Variants in UNC13B observed in about 807,000 individuals in gnomAD.
UNC13B encodes the protein protein unc-13 homolog B.
In UNC13B, 144 loss-of-function variants were observed where a neutral mutation model predicts 211.0. The ratio of observed to expected loss-of-function variants is 0.68; its 90% CI spans 0.60 to 0.78. UNC13B has a LOEUF of 0.78. Ranked by LOEUF, UNC13B falls within the 30% of genes least tolerant of loss-of-function variation. The probability of loss-of-function intolerance (pLI) is 0.00; values close to 1 mark genes in which losing one functional copy is unlikely to be tolerated. For missense variants in UNC13B, 1,777 were observed against 2,002.0 expected (o/e 0.89, Z 2.14); for synonymous variants, 709 against 725.8 (o/e 0.98, Z 0.37).
At chr9:35,270,359 G>A (rs376585684) in intron 7 of UNC13B, among the ~76,000 whole-genome samples, 7 of 124,982 alleles carry the variant, frequency 5.6e-5, no homozygotes, top group African/African-American at 2.0e-4. Context: ...GTGTGTGTGT[G>A]TGTATGTATG....
In UNC13B at chr9:35,307,214, C is replaced by T; in HGVS notation, c.7810C>T (p.Gln2604Ter). Residue 2604 changes from glutamine to a stop codon, truncating the protein, a stop_gained, in exon 9 of 40, where the codon CAA becomes TAA. Coordinates refer to ENST00000635942, the MANE Select transcript of UNC13B (RefSeq NM_001371189.2). LOFTEE classifies it high-confidence loss of function. ...NNTPENILEP[Q>*]RSETINTSSF... ...TACTCCTGAAAATATTCTGGAACCTCAACGTTCTGAAACAATTAATACATC... is the reference window on the plus strand; with the variant it reads ...TACTCCTGAAAATATTCTGGAACCTTAACGTTCTGAAACAATTAATACATC... The T allele has an allele frequency of 2.5e-6, 1 of 398,900 alleles. No individual in the cohort carries two copies. The highest frequency in any genetic ancestry group is 4.4e-6 in the Non-Finnish European group (1 of 226,052). The allele number at this position is 398,900 out of a possible 1,614,324, so 24.7% of individuals were successfully genotyped here.
chr9:35,258,957 G>C, intron 6 of UNC13B, 36 bp from the exon 7 acceptor site: 1 of 1,597,014 alleles, frequency 6.3e-7, no homozygotes, highest in South Asian at 1.1e-5. Context: ...GCTTCTGATT[G>C]TATTTATTTA....
At chr9:35,297,219 G>A (rs1829409728) in intron 8 of UNC13B, among the ~76,000 whole-genome samples, 1 of 151,502 alleles carries the variant, frequency 6.6e-6, no homozygotes, top group Admixed American at 6.6e-5. Context: ...CTCCGGAGTA[G>A]CTGAGACTAC....
intron 6 of UNC13B, among the ~76,000 whole-genome samples, chr9:35,252,659 TA>T (rs548641430): frequency 4.7e-5 from 7 of 150,080 alleles, no homozygotes; most frequent in South Asian, 4.4e-4. Context: ...GATTTGTCTA[TA>T]AAAAAAATTT....
At chr9:35,220,294 T>G (rs1170676273) in intron 1 of UNC13B, among the ~76,000 whole-genome samples, 2 of 151,792 alleles carry the variant, frequency 1.3e-5, no homozygotes, top group African/African-American at 4.8e-5. Flanking sequence ...TTTAACAATC[T>G]AATTATATAC....
intron 11 of UNC13B, among the ~76,000 whole-genome samples, chr9:35,354,706 A>G (rs1587684846): frequency 1.3e-5 from 2 of 152,214 alleles, no homozygotes; most frequent in African/African-American, 4.8e-5. Context: ...ATATAACCTG[A>G]TTAATCTTCC....
chr9:35,279,516 G>A (rs887040186), intron 7 of UNC13B, among the ~76,000 whole-genome samples: 5 of 152,122 alleles, frequency 3.3e-5, no homozygotes, highest in African/African-American at 7.2e-5. Context: ...CAGTGTACAA[G>A]TATTTGAATA....
chr9:35,268,060 A>T (rs1187461964), intron 7 of UNC13B, among the ~76,000 whole-genome samples: 2 of 152,250 alleles, frequency 1.3e-5, no homozygotes, highest in African/African-American at 2.4e-5. Flanking sequence ...CACAGTTCAC[A>T]TCAGCAAGTC....
intron 12 of UNC13B, 63 bp downstream of exon 12, chr9:35,367,056 TTCCCCTGGG>T: frequency 6.6e-7 from 1 of 1,515,188 alleles, no homozygotes; most frequent in Non-Finnish European, 9.2e-7. Context: ...CTTTTAGCTT[TTCCCCTGGG>T]AAGCAGGGGA....
intron 11 of UNC13B, among the ~76,000 whole-genome samples, chr9:35,344,053 G>T (rs552154888): frequency 6.6e-6 from 1 of 152,144 alleles, no homozygotes. Flanking sequence ...CTGTTAGTCA[G>T]TGCTGCTCTA....
At chr9:35,292,917 T>G (rs928349263) in intron 7 of UNC13B, among the ~76,000 whole-genome samples, 2 of 152,228 alleles carry the variant, frequency 1.3e-5, no homozygotes, top group African/African-American at 4.8e-5. Flanking sequence ...TGGGATAGAT[T>G]ATGGAGGCAG....
chr9:35,360,200 C>T (rs568403457), intron 11 of UNC13B, among the ~76,000 whole-genome samples: 3 of 152,240 alleles, frequency 2.0e-5, no homozygotes, highest in Non-Finnish European at 4.4e-5. Flanking sequence ...AACTCTACCT[C>T]CATCATCAGG....
intron 7 of UNC13B, among the ~76,000 whole-genome samples, chr9:35,260,634 T>G (rs1379417090): frequency 6.6e-6 from 1 of 152,196 alleles, no homozygotes; most frequent in Non-Finnish European, 1.5e-5. Context: ...GGTGAACTTT[T>G]TTTTCTTTAT....
chr9:35,197,238 C>T (rs1047409102), intron 1 of UNC13B, among the ~76,000 whole-genome samples: 4 of 151,784 alleles, frequency 2.6e-5, no homozygotes, highest in Non-Finnish European at 4.4e-5. Context: ...GACAGAGTCT[C>T]GCTCTCTCAC....
chr9:35,342,390 CA>C, intron 11 of UNC13B: 18 of 982,432 alleles, frequency 1.8e-5, no homozygotes, highest in Non-Finnish European at 2.2e-5. Flanking sequence ...ACAAGCAGGG[CA>C]AAAGGAAAGC....
At chr9:35,376,553 C>T (rs1284812860) in intron 15 of UNC13B, among the ~76,000 whole-genome samples, 4 of 152,292 alleles carry the variant, frequency 2.6e-5, no homozygotes, top group Non-Finnish European at 4.4e-5. Context: ...TACAGCACAG[C>T]GGCCTTATTG....
chr9:35,375,627 C>T (rs1010054397), intron 14 of UNC13B, among the ~76,000 whole-genome samples: 4 of 152,166 alleles, frequency 2.6e-5, no homozygotes, highest in African/African-American at 9.7e-5. Context: ...AGAGGAGACA[C>T]GAAATCAAGG....
intron 1 of UNC13B, among the ~76,000 whole-genome samples, chr9:35,182,500 T>C (rs905457357): frequency 3.2e-4 from 48 of 152,058 alleles, no homozygotes; most frequent in Non-Finnish European, 5.4e-4. Context: ...TTATTGATCA[T>C]TCTTGGGTGT....
chr9:35,231,084 C>G (rs1825174387), intron 2 of UNC13B, 36 bp from the exon 3 acceptor site: 1 of 1,381,310 alleles, frequency 7.2e-7, no homozygotes, highest in African/African-American at 1.4e-5. Context: ...AATCTGAGCA[C>G]TAAGTATTAT....
Sources: allele counts gnomAD v4.1 joint callset (sites outside exome capture counted in the v4.1 genomes callset), GRCh38; gene constraint gnomAD v4.1.1; transcripts MANE v1.5; gene names NCBI Gene and HGNC (gene_info 2026-07-23, HGNC 2026-07-21).